The following RALGAPA1 variants were observed in gnomAD, a reference collection of about 807,000 sequenced individuals.
RALGAPA1 encodes Ral GTPase activating protein catalytic subunit alpha 1, also known as ral GTPase-activating protein subunit alpha-1.
In RALGAPA1, 52 loss-of-function variants were observed where a neutral mutation model predicts 269.6. The ratio of observed to expected loss-of-function variants is 0.19; its 90% CI spans 0.15 to 0.24. The LOEUF (loss-of-function observed/expected upper bound fraction) is 0.24. Among genes scored for constraint, RALGAPA1 ranks in the 10% least tolerant of loss-of-function variants. The pLI is 1.00. For missense variants in RALGAPA1, 1,917 were observed against 3,013.9 expected (o/e 0.64, Z 8.52); for synonymous variants, 817 against 1,008.3 (o/e 0.81, Z 3.60).
intron 31 of RALGAPA1, among the ~76,000 whole-genome samples, chr14:35,646,461 G>A (rs1384161836): frequency 2.6e-5 from 4 of 152,050 alleles, no homozygotes; most frequent in Non-Finnish European, 4.4e-5. Context: ...TGCCAAATAC[G>A]CCTAATTTAA....
At chr14:35,562,534 CTGAT>C (rs551736393) in intron 39 of RALGAPA1, among the ~76,000 whole-genome samples, 39 of 152,114 alleles carry the variant, frequency 2.6e-4, no homozygotes, top group African/African-American at 8.2e-4. Context: ...AAATATACTA[CTGAT>C]TAAGTAGTCA....
intron 31 of RALGAPA1, among the ~76,000 whole-genome samples, chr14:35,641,730 T>C (rs770264199): frequency 6.6e-6 from 1 of 152,104 alleles, no homozygotes; most frequent in Non-Finnish European, 1.5e-5. Flanking sequence ...ACATTCTTTA[T>C]AGAAACAGAA....
At chr14:35,651,990 T>A in intron 30 of RALGAPA1, 117 bp from the exon 31 acceptor site, 1 of 675,136 alleles carries the variant, frequency 1.5e-6, no homozygotes, top group Non-Finnish European at 2.4e-6. Context: ...AAATTTATTC[T>A]AAACACATTA....
rs1443084770 is a variant in RALGAPA1 at position 35,625,362 on chromosome 14, A to G, written c.6928T>C (p.Cys2310Arg). 1 of 1,607,182 alleles carries G rather than the reference A, an allele frequency of 6.2e-7. No individual in the cohort carries two copies. The highest frequency in any genetic ancestry group is 1.7e-5 in the Admixed American group (1 of 58,928). The part of the protein sequence containing the change: ...RELRNLDSRQ[C>R]RETHKIAVFY... The stretch of plus-strand genomic sequence containing the variant: ...TGTGAAGATTTTCCAACAACTTACC[A>G]CTGCCTTGAATCCAAGTTCCTAAGT... The change falls in exon 35 of 42, where the codon TGC (cysteine) becomes CGC (arginine). Residue 2310 changes from cysteine to arginine, a missense_variant and splice_region_variant. Physicochemically the swap from Cys to Arg is radical, Grantham distance 180. Around this residue, in one of 11 missense-constraint regions of RALGAPA1, gnomAD observed 132 missense variants for 271.2 expected, o/e 0.49. Coordinates refer to ENST00000680220, the MANE Select transcript of RALGAPA1 (RefSeq NM_001346249.2).
At chr14:35,802,868 T>G (rs2077082026) in intron 1 of RALGAPA1, among the ~76,000 whole-genome samples, 1 of 151,886 alleles carries the variant, frequency 6.6e-6, no homozygotes, top group South Asian at 2.1e-4. Flanking sequence ...TTCTCTTTTT[T>G]GGAGAGATGG....
chr14:35,547,402 C>T (rs183991520), intron 41 of RALGAPA1, among the ~76,000 whole-genome samples: 4 of 151,934 alleles, frequency 2.6e-5, no homozygotes, highest in Admixed American at 6.6e-5. Context: ...ATGACAAATA[C>T]GAAAGAGTAC....
Position 35,750,683 on chromosome 14 carries a change from C to A in RALGAPA1, c.810G>T (p.Pro270=), listed in dbSNP as rs567045492. The stretch of plus-strand genomic sequence containing the variant: ...CATAATGTGGCTTTGGTCTCATCTG[C>A]GGGATGTCTGTGCAAAATAAAAGGA... ...NSLYHPILDI[P]QMRPKPHYVV... is the part of the protein sequence containing the mutation. The change falls in exon 9 of 42, where the codon CCG becomes CCT. Residue 270 remains proline (P), a synonymous_variant. Transcript: ENST00000680220. The A allele has an allele frequency of 4.4e-6, 7 of 1,592,516 alleles. No homozygotes were observed. The highest frequency in any genetic ancestry group is 4.3e-6 in the Non-Finnish European group (5 of 1,169,080).
rs967778818 is a variant in RALGAPA1, at chr14:35,627,798, C to T, written c.6149G>A (p.Ser2050Asn). The part of the protein sequence containing the change: ...CENHDNHYSE[S>N]TELSPELFES... ...AAAGAGTTCAGGAGAAAGTTCAGTA[C>T]TTTCACTGTAATGATTGTCGTGATT... Residue 2050 changes from serine to asparagine, a missense_variant, in exon 34 of 42, where the codon AGT becomes AAT. Physicochemically the swap from Ser to Asn is conservative, Grantham distance 46. This residue lies in a region of RALGAPA1 where 346 missense variants were observed against 566.1 expected (regional missense o/e 0.61). Transcript: ENST00000680220. 6.3e-7 allele frequency: 1 copy of T among 1,588,024 alleles called. No individual in the cohort carries two copies. The highest frequency in any genetic ancestry group is 1.3e-5 in the African/African-American group (1 of 74,080).
intron 12 of RALGAPA1, among the ~76,000 whole-genome samples, chr14:35,735,043 A>T (rs2070852484): frequency 1.3e-5 from 2 of 151,924 alleles, no homozygotes; most frequent in Non-Finnish European, 2.9e-5. Flanking sequence ...AATAAAAAAA[A>T]AAAAAAATCA....
chr14:35,650,538 GT>G lies in RALGAPA1; in HGVS notation c.5676+1266del, dbSNP rs1200830794. On this transcript the variant is annotated intron_variant, in intron 31 of 41. Coordinates refer to ENST00000680220, the MANE Select transcript of RALGAPA1 (RefSeq NM_001346249.2). ...TGAATATGAAGGGAAAGAATAAAAAGTTTTGAGGTAAACACATGAAATCAGT... is the reference window on the plus strand; with the variant it reads ...TGAATATGAAGGGAAAGAATAAAAAGTTTGAGGTAAACACATGAAATCAGT... 2.6e-4 allele frequency among the ~76,000 whole-genome samples: 39 copies of G among 152,234 alleles called. 1 individual carries two copies. The highest frequency in any genetic ancestry group is 4.1e-4 in the South Asian group (2 of 4,826).
chr14:35,674,035 T>G (rs2064733807), intron 24 of RALGAPA1, 145 bp downstream of exon 24: 1 of 589,344 alleles, frequency 1.7e-6, no homozygotes, highest in Admixed American at 3.2e-5. Flanking sequence ...CATTCTCTTC[T>G]CTATATAATG....
chr14:35,627,214 G>T lies in RALGAPA1; in HGVS notation c.6733C>A (p.His2245Asn). The T allele has an allele frequency of 1.2e-6, 2 of 1,601,150 alleles. No homozygotes were observed. The highest frequency in any genetic ancestry group is 1.7e-6 in the Non-Finnish European group (2 of 1,176,834). The change falls in exon 34 of 42, where the codon CAC becomes AAC. Residue 2245 changes from histidine (H) to asparagine (N), a missense_variant. His to Asn is a moderately conservative substitution (Grantham distance 68, BLOSUM62 1). Around this residue, in one of 11 missense-constraint regions of RALGAPA1, gnomAD observed 132 missense variants for 271.2 expected, o/e 0.49. Transcript: ENST00000680220. Reference sequence around the variant, plus strand: ...GCTTTCATGTTTAAGTCATTAAAGTGCTTCTCAACAAATTCTTTTTCTTCT... The same window carrying T: ...GCTTTCATGTTTAAGTCATTAAAGTTCTTCTCAACAAATTCTTTTTCTTCT... The part of the protein sequence containing the change: ...HTEEKEFVEK[H>N]FNDLNMKAVE...
intron 27 of RALGAPA1, among the ~76,000 whole-genome samples, chr14:35,663,587 A>ATTT (rs371523411): frequency 1.1e-3 from 152 of 132,302 alleles, no homozygotes; most frequent in Middle Eastern, 3.8e-3. Flanking sequence ...ACCCTTGGGA[A>ATTT]TTTTTTTTTT....
chr14:35,655,147 T>C (rs1434927262), intron 29 of RALGAPA1, among the ~76,000 whole-genome samples: 2 of 152,178 alleles, frequency 1.3e-5, no homozygotes, highest in East Asian at 3.8e-4. Flanking sequence ...CCTATTGTTA[T>C]CCCTCACTGT....
Position 35,721,734 on chromosome 14 carries a change from A to T in RALGAPA1, c.2220T>A (p.Ser740=). The part of the protein sequence containing the change: ...MRQRSATTTG[S]PGTEKARSIV... ...TACTCCTCGCCTTTTCGGTTCCTGG[A>T]GAACCAGTGGTTGTTGCACTCCTCT... The change falls in exon 16 of 42, where the codon TCT becomes TCA. Residue 740 remains serine, a synonymous_variant. Transcript: ENST00000680220. 1 of 1,613,814 alleles carries T rather than the reference A, an allele frequency of 6.2e-7. No homozygotes were observed. The highest frequency in any genetic ancestry group is 8.5e-7 in the Non-Finnish European group (1 of 1,179,818).
chr14:35,686,261 G>A (rs1263193529), intron 19 of RALGAPA1, among the ~76,000 whole-genome samples: 4 of 151,878 alleles, frequency 2.6e-5, no homozygotes, highest in African/African-American at 9.7e-5. Flanking sequence ...ACAAAAAAAG[G>A]GGAGACTAGG....
intron 27 of RALGAPA1, among the ~76,000 whole-genome samples, chr14:35,659,872 A>C (rs2063424143): frequency 6.6e-6 from 1 of 152,142 alleles, no homozygotes; most frequent in African/African-American, 2.4e-5. Flanking sequence ...ACAAAGGATA[A>C]AAATCTTAAT....
At chr14:35,577,896 TA>T (rs1369395294) in intron 37 of RALGAPA1, among the ~76,000 whole-genome samples, 2 of 152,216 alleles carry the variant, frequency 1.3e-5, no homozygotes, top group Non-Finnish European at 2.9e-5. Context: ...ACTACATTGC[TA>T]ATGAGCTCTT....
At chr14:35,629,080 A>G (rs998219715) in intron 33 of RALGAPA1, among the ~76,000 whole-genome samples, 2 of 152,200 alleles carry the variant, frequency 1.3e-5, no homozygotes, top group African/African-American at 2.4e-5. Context: ...GTCAAAGCCA[A>G]CTAGTTAAAG....
Sources: allele counts gnomAD v4.1 joint callset (sites outside exome capture counted in the v4.1 genomes callset), GRCh38; gene constraint gnomAD v4.1.1; regional missense constraint gnomAD v4.1.1; transcripts MANE v1.5; gene names NCBI Gene and HGNC (gene_info 2026-07-23, HGNC 2026-07-21).